Variants in CHD7 observed in about 807,000 individuals in gnomAD.
CHD7 encodes the protein chromodomain helicase DNA binding protein 7.
In CHD7, 24 loss-of-function variants were observed where a neutral mutation model predicts 307.3. The observed-to-expected ratio is 0.08, with a 90% CI of 0.06 to 0.11. The LOEUF is 0.11. CHD7 is among the 10% of genes least tolerant of loss of function. CHD7 has a pLI of 1.00. For synonymous variants in CHD7, 1,363 were observed against 1,349.9 expected (o/e 1.01, Z -0.21); for missense variants, 3,106 against 3,727.1 (o/e 0.83, Z 4.34).
chr8:60,730,244 G>C (rs1808372735), intron 1 of CHD7, among the ~76,000 whole-genome samples: 1 of 152,166 alleles, frequency 6.6e-6, no homozygotes, highest in African/African-American at 2.4e-5. Context: ...ATGACTGCTG[G>C]GGAATAAGGA....
chr8:60,734,302 G>T (rs1232436230), intron 1 of CHD7, among the ~76,000 whole-genome samples: 3 of 152,210 alleles, frequency 2.0e-5, no homozygotes, highest in Non-Finnish European at 4.4e-5. Flanking sequence ...CAGGAGGTCT[G>T]AGGTGAGCCT....
At chr8:60,755,694 T>TA (rs1232863989) in intron 2 of CHD7, among the ~76,000 whole-genome samples, 1 of 152,210 alleles carries the variant, frequency 6.6e-6, no homozygotes, top group Non-Finnish European at 1.5e-5. Flanking sequence ...ATATACAATC[T>TA]GTGTATTAAA....
At chr8:60,782,462 T>G (rs1245561677) in intron 3 of CHD7, among the ~76,000 whole-genome samples, 1 of 152,250 alleles carries the variant, frequency 6.6e-6, no homozygotes, top group African/African-American at 2.4e-5. Context: ...ACTTGCAACT[T>G]CCTGCTAAAA....
Position 60,856,012 on chromosome 8 carries a change from A to G in CHD7, c.6974A>G (p.Glu2325Gly). 1 of 1,611,108 alleles carries G rather than the reference A, an allele frequency of 6.2e-7. No individual in the cohort carries two copies. The highest frequency in any genetic ancestry group is 8.5e-7 in the Non-Finnish European group (1 of 1,178,510). ...ATAAACCGCTTAGACAACATCTGTG[A>G]AGCAGTGTTGAAAGGCAAATGGCCA... ...VMINRLDNIC[E>G]AVLKGKWPVN... The change falls in exon 33 of 38, where the codon GAA becomes GGA. Residue 2325 changes from glutamate (E) to glycine (G), a missense_variant. Glu to Gly is a moderately conservative substitution (Grantham distance 98). This residue lies in a region of CHD7 where 1,030 missense variants were observed against 1,165.4 expected (regional missense o/e 0.88). Coordinates refer to ENST00000423902, the MANE Select transcript of CHD7 (RefSeq NM_017780.4).
rs1809141932 is a variant in CHD7, at chr8:60,743,107, C to G, written c.1665+10C>G. 2 of 1,605,150 alleles carry G rather than the reference C, an allele frequency of 1.2e-6. No homozygotes were observed. The highest frequency in any genetic ancestry group is 2.2e-5 in the South Asian group (2 of 90,452). On this transcript the variant is annotated intron_variant, in intron 2 of 37. Transcript: ENST00000423902. Reference sequence around the variant, plus strand: ...AGTGCCTGTGCATCAGGTAAGGGGACACAGAGCCTACCTCTGCATTGCAGT... The same window carrying G: ...AGTGCCTGTGCATCAGGTAAGGGGAGACAGAGCCTACCTCTGCATTGCAGT...
At chr8:60,833,240 AT>A (rs1248113830) in intron 15 of CHD7, among the ~76,000 whole-genome samples, 1 of 152,244 alleles carries the variant, frequency 6.6e-6, no homozygotes, top group Non-Finnish European at 1.5e-5. Context: ...ATTATGAAAA[AT>A]AGAAGCAATT....
At chr8:60,833,508 T>C (rs1804614279) in intron 15 of CHD7, among the ~76,000 whole-genome samples, 1 of 152,180 alleles carries the variant, frequency 6.6e-6, no homozygotes, top group Non-Finnish European at 1.5e-5. Flanking sequence ...GAGAAAATAG[T>C]AACTTTTTTT....
intron 2 of CHD7, among the ~76,000 whole-genome samples, chr8:60,766,308 A>G (rs557478896): frequency 1.3e-5 from 2 of 152,254 alleles, no homozygotes; most frequent in South Asian, 4.2e-4. Flanking sequence ...GGAATTATAG[A>G]AGTGTTAGGG....
At chr8:60,693,121 GA>G (rs1472710871) in intron 1 of CHD7, among the ~76,000 whole-genome samples, 1 of 152,300 alleles carries the variant, frequency 6.6e-6, no homozygotes, top group East Asian at 1.9e-4. Flanking sequence ...GGCTGCTCCA[GA>G]CTCCACTTCC....
At chr8:60,819,494 C>G (rs1322346340) in intron 8 of CHD7, among the ~76,000 whole-genome samples, 3 of 152,180 alleles carry the variant, frequency 2.0e-5, no homozygotes, top group Non-Finnish European at 4.4e-5. Flanking sequence ...TTGACAAATA[C>G]TACCAAACAT....
intron 2 of CHD7, among the ~76,000 whole-genome samples, chr8:60,756,911 A>G (rs967456883): frequency 6.6e-6 from 1 of 152,232 alleles, no homozygotes; most frequent in Non-Finnish European, 1.5e-5. Context: ...GCTTAATTTT[A>G]TGTTACATGA....
chr8:60,699,284 G>A (rs1423315603), intron 1 of CHD7, among the ~76,000 whole-genome samples: 2 of 152,194 alleles, frequency 1.3e-5, no homozygotes, highest in African/African-American at 4.8e-5. Context: ...GTGGATTTAA[G>A]ATGAAGTGTA....
At chr8:60,741,033 G>A (rs1808971931) in intron 1 of CHD7, among the ~76,000 whole-genome samples, 1 of 152,234 alleles carries the variant, frequency 6.6e-6, no homozygotes, top group African/African-American at 2.4e-5. Flanking sequence ...TAAGGTTAGT[G>A]TTTTGCTTGC....
chr8:60,785,782 A>C (rs879723114), intron 3 of CHD7, among the ~76,000 whole-genome samples: 1 of 152,170 alleles, frequency 6.6e-6, no homozygotes, highest in African/African-American at 2.4e-5. Context: ...TGTCAGGTAC[A>C]TGGGTAATAA....
intron 5 of CHD7, among the ~76,000 whole-genome samples, chr8:60,801,317 A>G (rs1029776143): frequency 6.6e-6 from 1 of 152,218 alleles, no homozygotes; most frequent in Non-Finnish European, 1.5e-5. Flanking sequence ...ATTAAACCAT[A>G]TAATCATGAA....
At chr8:60,686,076 C>A (rs1228564497) in intron 1 of CHD7, among the ~76,000 whole-genome samples, 1 of 152,102 alleles carries the variant, frequency 6.6e-6, no homozygotes, top group Non-Finnish European at 1.5e-5. Context: ...TCCTCATGGG[C>A]CTTTCTGGTG....
At chr8:60,779,076 C>T (rs982969117) in intron 2 of CHD7, among the ~76,000 whole-genome samples, 3 of 152,168 alleles carry the variant, frequency 2.0e-5, no homozygotes, top group Admixed American at 2.0e-4. Flanking sequence ...CCTCATTCTC[C>T]CTTAGCTATG....
intron 2 of CHD7, among the ~76,000 whole-genome samples, chr8:60,755,044 G>C (rs1008010545): frequency 6.6e-6 from 1 of 152,146 alleles, no homozygotes. Flanking sequence ...TAGTGGATGG[G>C]TTCCTGTTGA....
intron 3 of CHD7, among the ~76,000 whole-genome samples, chr8:60,791,975 T>C (rs913987480): frequency 6.6e-6 from 1 of 152,254 alleles, no homozygotes; most frequent in African/African-American, 2.4e-5. Context: ...CTTTCCAGAC[T>C]CAGCTGCTTG....
Sources: gnomAD v4.1 joint callset for allele counts (sites outside exome capture counted in the v4.1 genomes callset) on GRCh38, gnomAD v4.1.1 for gene constraint, gnomAD v4.1.1 regional missense constraint, MANE v1.5 for transcripts, NCBI Gene and HGNC (gene_info 2026-07-23, HGNC 2026-07-21) for gene names.